ZZZ3: variants seen among roughly 807,000 people sequenced by gnomAD.
The protein encoded by ZZZ3 is zinc finger ZZ-type containing 3.
ZZZ3 carries 22 observed loss-of-function variants against 95.2 expected under a neutral mutation model. The ratio of observed to expected loss-of-function variants is 0.23; its 90% confidence interval spans 0.17 to 0.33. ZZZ3 has a LOEUF of 0.33. Among genes scored for constraint, ZZZ3 ranks in the 10% least tolerant of loss-of-function variants. The probability of loss-of-function intolerance (pLI) is 1.00; values close to 1 mark genes in which losing one functional copy is unlikely to be tolerated. For synonymous variants in ZZZ3, 335 were observed against 358.9 expected, an observed-to-expected ratio of 0.93 and a Z score of 0.75; for missense variants, 885 against 1,066.5, an observed-to-expected ratio of 0.83 and a Z score of 2.37.
At chr1:77,618,531 TG>T (rs1356331521) in intron 5 of ZZZ3, among the ~76,000 whole-genome samples, 1 of 152,054 alleles carries the variant, frequency 6.6e-6, no homozygotes, top group African/African-American at 2.4e-5. Context: ...AGACAAGCAG[TG>T]GTGAGAGAGT....
intron 4 of ZZZ3, among the ~76,000 whole-genome samples, chr1:77,634,006 C>T (rs1668063826): frequency 6.6e-6 from 1 of 151,924 alleles, no homozygotes; most frequent in Non-Finnish European, 1.5e-5. Context: ...GCTGTCTCTA[C>T]TAAAAATACA....
intron 1 of ZZZ3, among the ~76,000 whole-genome samples, chr1:77,662,569 C>T (rs990963836): frequency 1.3e-5 from 2 of 152,152 alleles, no homozygotes; most frequent in Non-Finnish European, 2.9e-5. Context: ...CTGAATCTAA[C>T]CACAAGAAAT....
At chr1:77,569,611 T>C (rs920953826) in intron 12 of ZZZ3, among the ~76,000 whole-genome samples, 1 of 152,210 alleles carries the variant, frequency 6.6e-6, no homozygotes, top group African/African-American at 2.4e-5. Context: ...AATCTTACAC[T>C]GATTCTACTG....
chr1:77,608,873 C>G (rs1191902303), intron 5 of ZZZ3, among the ~76,000 whole-genome samples: 1 of 151,626 alleles, frequency 6.6e-6, no homozygotes, highest in African/African-American at 2.4e-5. Flanking sequence ...GTAACCTTAC[C>G]TCAAATGAAA....
rs1660558459 is a variant in ZZZ3 at position 77,563,190 on chromosome 1, A to G, written c.*2450T>C. On this transcript the variant is annotated 3_prime_UTR_variant, in exon 15 of 15. Transcript: ENST00000370801. ...GCAAATAACTTGAGCACAATATATC[A>G]GGAAATAGATCTTATCTACTGAATA... 6.6e-6 allele frequency: 1 copy of G among 151,958 alleles called. No homozygotes were observed. Among genetic ancestry groups the G allele is most frequent in the Admixed American group, 6.5e-5 (1 of 15,276 alleles). 9.4% of individuals were successfully genotyped at this position (151,958 alleles called of 1,614,324 possible). A position where few individuals can be genotyped will look rare whatever the true frequency, so the allele number is the denominator to read the frequency against.
chr1:77,631,123 A>G (rs1223766413), intron 5 of ZZZ3, among the ~76,000 whole-genome samples: 9 of 152,212 alleles, frequency 5.9e-5, no homozygotes, highest in Non-Finnish European at 7.4e-5. Flanking sequence ...TAGGAAATCT[A>G]GGCAAGAAAT....
chr1:77,603,622 T>C (rs781242906), intron 5 of ZZZ3, among the ~76,000 whole-genome samples: 6 of 152,174 alleles, frequency 3.9e-5, no homozygotes, highest in African/African-American at 1.4e-4. Context: ...CGGGTGCCCA[T>C]TTCCTGTCCC....
In ZZZ3 at chr1:77,633,069, T is replaced by C. The variant is rs1398127818; in HGVS notation, c.286A>G (p.Ile96Val). The C allele has an allele frequency of 2.5e-6, 4 of 1,613,832 alleles. No individual in the cohort carries two copies. Among genetic ancestry groups the C allele is most frequent in the Non-Finnish European group, 3.4e-6 (4 of 1,180,018 alleles). The part of the protein sequence containing the change: ...RGLSSSEKDN[I>V]ERQAIENCER... ...CAATTTTCTATAGCCTGCCTTTCTA[T>C]GTTATCCTTTTCTGAAGAAGAAAGT... is the stretch of plus-strand genomic sequence containing the variant. The change falls in exon 5 of 15, where the codon ATA becomes GTA. Residue 96 changes from isoleucine (I) to valine (V), a missense_variant. Coordinates refer to ENST00000370801, the MANE Select transcript of ZZZ3 (RefSeq NM_015534.6).
At chr1:77,585,902 C>G (rs1373316997) in intron 5 of ZZZ3, among the ~76,000 whole-genome samples, 3 of 152,140 alleles carry the variant, frequency 2.0e-5, no homozygotes, top group Non-Finnish European at 4.4e-5. Flanking sequence ...TTCTTGTTTT[C>G]AAGTCCTTGT....
At chr1:77,572,265 T>C (rs1229422332) in intron 12 of ZZZ3, among the ~76,000 whole-genome samples, 1 of 152,268 alleles carries the variant, frequency 6.6e-6, no homozygotes, top group African/African-American at 2.4e-5. Flanking sequence ...CACTCTATTA[T>C]ATTTTGCCAA....
chr1:77,663,216 A>G (rs1264929388), intron 1 of ZZZ3, among the ~76,000 whole-genome samples: 1 of 152,170 alleles, frequency 6.6e-6, no homozygotes, highest in Non-Finnish European at 1.5e-5. Context: ...AAAGCTATAA[A>G]AATAATTATT....
chr1:77,654,182 T>C (rs1462708610), intron 1 of ZZZ3, among the ~76,000 whole-genome samples: 1 of 85,276 alleles, frequency 1.2e-5, no homozygotes, highest in Non-Finnish European at 2.0e-5. Flanking sequence ...CGAGACTCCA[T>C]CTCAAAAAAA....
chr1:77,617,025 T>C (rs976749165), intron 5 of ZZZ3, among the ~76,000 whole-genome samples: 1 of 152,178 alleles, frequency 6.6e-6, no homozygotes, highest in African/African-American at 2.4e-5. Context: ...ATTCTTAAAA[T>C]GAGCAAAAAA....
rs1667907762 is a variant in ZZZ3 at position 77,632,578 on chromosome 1, G to A, written c.777C>T (p.Asp259=). Residue 259 remains aspartate (D), a synonymous_variant, in exon 5 of 15, where the codon GAC becomes GAT. Transcript: ENST00000370801. ...TSMFLDSRKE[D]SYIDHKVPCT... Reference sequence around the variant, plus strand: ...AAGGCACCTTATGGTCTATATAACTGTCCTCCTTCCTACTATCAAGGAACA... The same window carrying A: ...AAGGCACCTTATGGTCTATATAACTATCCTCCTTCCTACTATCAAGGAACA... 6.2e-7 allele frequency: 1 copy of A among 1,614,100 alleles called. No individual in the cohort carries two copies. The highest frequency in any genetic ancestry group is 1.3e-5 in the African/African-American group (1 of 75,012).
intron 4 of ZZZ3, among the ~76,000 whole-genome samples, chr1:77,637,314 T>C (rs1012211957): frequency 6.6e-5 from 10 of 152,332 alleles, no homozygotes; most frequent in African/African-American, 2.2e-4. Flanking sequence ...GAAATTAACA[T>C]GTGATGTGCA....
At chr1:77,630,458 C>G (rs977718493) in intron 5 of ZZZ3, among the ~76,000 whole-genome samples, 1 of 152,018 alleles carries the variant, frequency 6.6e-6, no homozygotes, top group Admixed American at 6.6e-5. Context: ...GCCTGGGCAA[C>G]AAGTGCGATG....
intron 1 of ZZZ3, among the ~76,000 whole-genome samples, chr1:77,655,004 T>A (rs1486514716): frequency 1.3e-5 from 2 of 152,144 alleles, no homozygotes; most frequent in African/African-American, 4.8e-5. Flanking sequence ...CAAGGAATTG[T>A]CTCTGGTGAG....
In ZZZ3 at chr1:77,631,386, T is replaced by TA. The variant is rs1282417143; in HGVS notation, c.1505+463dup. Among the ~76,000 whole-genome samples the TA allele has an allele frequency of 2.0e-5, 3 of 152,138 alleles. 1 individual carries two copies. Among genetic ancestry groups the TA allele is most frequent in the Non-Finnish European group, 4.4e-5 (3 of 68,000 alleles). On this transcript the variant is annotated intron_variant, in intron 5 of 14. Coordinates refer to ENST00000370801, the MANE Select transcript of ZZZ3 (RefSeq NM_015534.6). Reference sequence around the variant, plus strand: ...ATGATGCATAAAGCACATTTTTTAATAAAAAATTTTAATTGGGAATTAAAT... The same window carrying TA: ...ATGATGCATAAAGCACATTTTTTAATAAAAAAATTTTAATTGGGAATTAAAT...
intron 5 of ZZZ3, among the ~76,000 whole-genome samples, chr1:77,611,262 C>CA (rs1160561899): frequency 3.5e-5 from 4 of 115,214 alleles, no homozygotes; most frequent in African/African-American, 1.2e-4. Flanking sequence ...AACCCACATG[C>CA]AAAAAAACAC....
Sources: allele counts gnomAD v4.1 joint callset (sites outside exome capture counted in the v4.1 genomes callset), GRCh38; gene constraint gnomAD v4.1.1; transcripts MANE v1.5; gene names NCBI Gene and HGNC (gene_info 2026-07-23, HGNC 2026-07-21).